The following HS6ST3 variants were observed in gnomAD, a reference collection of about 807,000 sequenced individuals.
The protein encoded by HS6ST3 is heparan sulfate 6-O-sulfotransferase 3.
HS6ST3 carries 12 observed loss-of-function variants against 36.7 expected under a neutral mutation model. That is an observed-to-expected ratio of 0.33 (90% confidence interval 0.21 to 0.53). HS6ST3 has a LOEUF of 0.53. Ranked by LOEUF, HS6ST3 falls within the 20% of genes least tolerant of loss-of-function variation. The pLI, the probability that HS6ST3 is intolerant of heterozygous loss-of-function variation, is 0.95. For missense variants in HS6ST3, 584 were observed against 640.9 expected (o/e 0.91, Z 0.96); for synonymous variants, 240 against 257.5 (o/e 0.93, Z 0.65).
chr13:96,825,725 C>T (rs1250727151), intron 1 of HS6ST3, among the ~76,000 whole-genome samples: 1 of 152,232 alleles, frequency 6.6e-6, no homozygotes, highest in Non-Finnish European at 1.5e-5. Flanking sequence ...TCTCAACATC[C>T]TGCTCCAGTC....
At chr13:96,426,188 A>G (rs1318975156) in intron 1 of HS6ST3, among the ~76,000 whole-genome samples, 2 of 151,928 alleles carry the variant, frequency 1.3e-5, no homozygotes, top group African/African-American at 2.4e-5. Flanking sequence ...GGTCTCGTCA[A>G]CCTGTCACAG....
At chr13:96,597,248 A>C (rs2056405019) in intron 1 of HS6ST3, among the ~76,000 whole-genome samples, 1 of 152,042 alleles carries the variant, frequency 6.6e-6, no homozygotes, top group Non-Finnish European at 1.5e-5. Flanking sequence ...TGCTAGGCTT[A>C]GTACCTGGGT....
intron 1 of HS6ST3, among the ~76,000 whole-genome samples, chr13:96,137,620 G>C (rs192730848): frequency 6.6e-6 from 1 of 152,110 alleles, no homozygotes; most frequent in Non-Finnish European, 1.5e-5. Flanking sequence ...TTTTAGGAGA[G>C]AGGGGGTTTC....
intron 1 of HS6ST3, among the ~76,000 whole-genome samples, chr13:96,246,030 C>G (rs2054583499): frequency 6.6e-6 from 1 of 152,056 alleles, no homozygotes; most frequent in African/African-American, 2.4e-5. Context: ...GTTAGTCAGT[C>G]TGAGTAACAG....
intron 1 of HS6ST3, among the ~76,000 whole-genome samples, chr13:96,587,410 A>G (rs570675882): frequency 6.6e-6 from 1 of 151,878 alleles, no homozygotes; most frequent in African/African-American, 2.4e-5. Context: ...TCCATTTTGT[A>G]TTGCTCCAAC....
intron 1 of HS6ST3, among the ~76,000 whole-genome samples, chr13:96,617,061 T>C (rs566851457): frequency 3.2e-4 from 48 of 152,334 alleles, no homozygotes; most frequent in African/African-American, 1.1e-3. Context: ...TTAAACTAAT[T>C]TATAGATATG....
At chr13:96,335,075 A>G (rs1289647991) in intron 1 of HS6ST3, among the ~76,000 whole-genome samples, 2 of 152,110 alleles carry the variant, frequency 1.3e-5, no homozygotes, top group African/African-American at 2.4e-5. Flanking sequence ...TTGACCTCCC[A>G]TGGAGGCTGA....
intron 1 of HS6ST3, among the ~76,000 whole-genome samples, chr13:96,550,410 A>G (rs1467496112): frequency 1.3e-5 from 2 of 152,294 alleles, no homozygotes; most frequent in African/African-American, 4.8e-5. Context: ...TGCTGGTGAC[A>G]TGTCTGTACA....
chr13:96,154,062 G>A (rs952763070), intron 1 of HS6ST3, among the ~76,000 whole-genome samples: 2 of 152,114 alleles, frequency 1.3e-5, no homozygotes, highest in African/African-American at 2.4e-5. Flanking sequence ...AGAATAAAAT[G>A]AGATATTTTA....
chr13:96,763,783 T>A (rs1374553601), intron 1 of HS6ST3, among the ~76,000 whole-genome samples: 2 of 152,098 alleles, frequency 1.3e-5, no homozygotes, highest in African/African-American at 4.8e-5. Context: ...GATTGCTGAA[T>A]ATATAATAAG....
At chr13:96,830,650 T>G (rs1031793153) in intron 1 of HS6ST3, among the ~76,000 whole-genome samples, 2 of 152,202 alleles carry the variant, frequency 1.3e-5, no homozygotes, top group Admixed American at 6.5e-5. Context: ...TGTTTTCCAC[T>G]GAGTACATGC....
At chr13:96,410,804 A>G (rs1283855063) in intron 1 of HS6ST3, among the ~76,000 whole-genome samples, 1 of 152,220 alleles carries the variant, frequency 6.6e-6, no homozygotes, top group Non-Finnish European at 1.5e-5. Flanking sequence ...CAAGACTGGA[A>G]GCAAATACAT....
chr13:96,363,314 G>C lies in HS6ST3; in HGVS notation c.707+271745G>C, dbSNP rs150110515. On this transcript the variant is annotated intron_variant, in intron 1 of 1. Transcript: ENST00000376705. Reference sequence around the variant, plus strand: ...CATTTTTTTTTTTTTGCAACATTCTGTGAGTCTATAGTGATTTCAAAATTT... The same window carrying C: ...CATTTTTTTTTTTTTGCAACATTCTCTGAGTCTATAGTGATTTCAAAATTT... 1.5e-4 allele frequency among the ~76,000 whole-genome samples: 22 copies of C among 148,064 alleles called. No individual in the cohort carries two copies. The East Asian group carries it at 4.3e-3, about 29-fold the overall frequency.
intron 1 of HS6ST3, among the ~76,000 whole-genome samples, chr13:96,237,489 G>T (rs950397388): frequency 6.6e-6 from 1 of 151,374 alleles, no homozygotes; most frequent in African/African-American, 2.4e-5. Flanking sequence ...TCTCTAACTC[G>T]TTTCTTCTCT....
chr13:96,287,852 C>G (rs2054811110), intron 1 of HS6ST3, among the ~76,000 whole-genome samples: 1 of 152,064 alleles, frequency 6.6e-6, no homozygotes, highest in Non-Finnish European at 1.5e-5. Flanking sequence ...GTGCTAGGCT[C>G]TCTGCTAAAT....
At chr13:96,788,845 C>T (rs1240958291) in intron 1 of HS6ST3, among the ~76,000 whole-genome samples, 1 of 151,768 alleles carries the variant, frequency 6.6e-6, no homozygotes, top group Non-Finnish European at 1.5e-5. Context: ...ATAACAACTC[C>T]AGCTTTCTTT....
intron 1 of HS6ST3, among the ~76,000 whole-genome samples, chr13:96,622,122 A>C (rs747988084): frequency 2.6e-5 from 4 of 152,092 alleles, no homozygotes; most frequent in Non-Finnish European, 5.9e-5. Context: ...GGAGGTCTGC[A>C]CCTGGATTTG....
intron 1 of HS6ST3, among the ~76,000 whole-genome samples, chr13:96,175,497 T>C (rs919077261): frequency 6.6e-6 from 1 of 152,116 alleles, no homozygotes; most frequent in African/African-American, 2.4e-5. Context: ...TGGGAAGTGA[T>C]TGTTTTTTTA....
chr13:96,312,244 T>C (rs2054944957), intron 1 of HS6ST3, among the ~76,000 whole-genome samples: 1 of 152,198 alleles, frequency 6.6e-6, no homozygotes. Flanking sequence ...CTTCTCAGAC[T>C]TGGATATGTA....
Sources: gnomAD v4.1 joint callset for allele counts (sites outside exome capture counted in the v4.1 genomes callset) on GRCh38, gnomAD v4.1.1 for gene constraint, MANE v1.5 for transcripts, NCBI Gene and HGNC (gene_info 2026-07-23, HGNC 2026-07-21) for gene names.